Variants in ZBTB16 observed in about 807,000 individuals in gnomAD.
ZBTB16 encodes the protein zinc finger and BTB domain containing 16.
Under a neutral mutation model 56.8 loss-of-function variants are expected in ZBTB16, and 8 were observed. The ratio of observed to expected loss-of-function variants is 0.14; its 90% CI spans 0.08 to 0.25. The LOEUF (loss-of-function observed/expected upper bound fraction) is 0.25. Ranked by LOEUF, ZBTB16 falls within the 10% of genes least tolerant of loss-of-function variation. The pLI is 1.00. For synonymous variants in ZBTB16, 363 were observed against 368.5 expected (o/e 0.98, Z 0.17); for missense variants, 625 against 903.0 (o/e 0.69, Z 3.95).
chr11:114,196,173 C>T (rs952082557), intron 4 of ZBTB16, among the ~76,000 whole-genome samples: 8 of 152,144 alleles, frequency 5.3e-5, no homozygotes, highest in South Asian at 2.1e-4. Context: ...AAACTGGAAT[C>T]GAGACTAAGC....
intron 2 of ZBTB16, among the ~76,000 whole-genome samples, chr11:114,134,857 G>C (rs1325173355): frequency 6.6e-6 from 1 of 152,196 alleles, no homozygotes; most frequent in African/African-American, 2.4e-5. Flanking sequence ...TTGTATGATA[G>C]ACACTGCTGT....
At chr11:114,135,025 A>G (rs1941762287) in intron 2 of ZBTB16, among the ~76,000 whole-genome samples, 1 of 152,248 alleles carries the variant, frequency 6.6e-6, no homozygotes, top group African/African-American at 2.4e-5. Context: ...AGATGCAAGA[A>G]TGCATATAGG....
intron 2 of ZBTB16, among the ~76,000 whole-genome samples, chr11:114,149,838 T>C (rs2134934761): frequency 6.6e-6 from 1 of 152,288 alleles, no homozygotes; most frequent in African/African-American, 2.4e-5. Flanking sequence ...CTTCTTTTTC[T>C]CCCCTGGGAT....
At chr11:114,202,722 T>C (rs1943762251) in intron 4 of ZBTB16, among the ~76,000 whole-genome samples, 1 of 152,160 alleles carries the variant, frequency 6.6e-6, no homozygotes, top group African/African-American at 2.4e-5. Flanking sequence ...TGGTGAGGGC[T>C]GTGGGTTAAG....
intron 2 of ZBTB16, among the ~76,000 whole-genome samples, chr11:114,142,247 A>T (rs1010451699): frequency 1.3e-5 from 2 of 152,288 alleles, no homozygotes; most frequent in South Asian, 4.1e-4. Flanking sequence ...GCTGCAGCCG[A>T]CAACCTTCCT....
intron 3 of ZBTB16, among the ~76,000 whole-genome samples, chr11:114,164,070 C>T (rs914034267): frequency 4.6e-5 from 7 of 152,082 alleles, no homozygotes; most frequent in African/African-American, 9.7e-5. Flanking sequence ...TGATGGAGGA[C>T]GATTGCGGCA....
chr11:114,121,558 T>TAAG (rs1418708601), intron 2 of ZBTB16, among the ~76,000 whole-genome samples: 1 of 152,220 alleles, frequency 6.6e-6, no homozygotes, highest in African/African-American at 2.4e-5. Flanking sequence ...GTTGAATGCT[T>TAAG]ACATCCATTA....
In ZBTB16 at chr11:114,250,739, GC is replaced by G. The variant is rs1944903745; in HGVS notation, c.*188del. 1 of 663,898 alleles carries G rather than the reference GC, an allele frequency of 1.5e-6. No individual in the cohort carries two copies. The highest frequency in any genetic ancestry group is 1.8e-5 in the African/African-American group (1 of 54,942). The allele number at this position is 663,898 out of a possible 1,614,324, so 41.1% of individuals were successfully genotyped here. A position where few individuals can be genotyped will look rare whatever the true frequency, so the allele number is the denominator to read the frequency against. On this transcript the variant is annotated 3_prime_UTR_variant, in exon 7 of 7. Transcript: ENST00000335953. The surrounding 1 kb of genome is among the most constrained non-coding windows in gnomAD (Gnocchi z 6.0). The stretch of plus-strand genomic sequence containing the variant: ...CAGATGACCTGGATGCCAAGCCACT[GC>G]CCCTCCTCTGGGGGCCTCCACCCTC...
chr11:114,181,511 ATGTTT>A (rs1436435306), intron 3 of ZBTB16, among the ~76,000 whole-genome samples: 3 of 152,216 alleles, frequency 2.0e-5, no homozygotes, highest in Non-Finnish European at 4.4e-5. Context: ...TATCCACAGA[ATGTTT>A]TGTGATTGAC....
chr11:114,102,566 G>T (rs1050081793), intron 2 of ZBTB16, among the ~76,000 whole-genome samples: 1 of 118,594 alleles, frequency 8.4e-6, no homozygotes, highest in African/African-American at 3.3e-5. Flanking sequence ...GGCTGCCCCT[G>T]CCCTTCCGCA....
intron 3 of ZBTB16, among the ~76,000 whole-genome samples, chr11:114,185,638 T>C (rs1943343905): frequency 6.6e-6 from 1 of 152,196 alleles, no homozygotes; most frequent in African/African-American, 2.4e-5. Flanking sequence ...CCTTGCGTCT[T>C]ACAGTGTTCT....
intron 2 of ZBTB16, among the ~76,000 whole-genome samples, chr11:114,105,730 C>T: frequency 6.6e-6 from 1 of 152,162 alleles, no homozygotes; most frequent in South Asian, 2.1e-4. Context: ...CTCTTCTCCT[C>T]CTCTTATCCT....
At chr11:114,093,591 A>C (rs1940274460) in intron 2 of ZBTB16, among the ~76,000 whole-genome samples, 1 of 152,162 alleles carries the variant, frequency 6.6e-6, no homozygotes, top group South Asian at 2.1e-4. Flanking sequence ...TGAAAGGTAG[A>C]ACCAAGACTA....
intron 2 of ZBTB16, among the ~76,000 whole-genome samples, chr11:114,154,731 G>GGTGT (rs143118154): frequency 1.3e-5 from 2 of 151,524 alleles, no homozygotes; most frequent in African/African-American, 4.8e-5. Flanking sequence ...CATAGATAAG[G>GGTGT]GTGTGTGTGT....
chr11:114,174,359 A>G (rs1315808021), intron 3 of ZBTB16, among the ~76,000 whole-genome samples: 1 of 151,296 alleles, frequency 6.6e-6, no homozygotes, highest in African/African-American at 2.4e-5. Flanking sequence ...GACCTTGGGC[A>G]AGAGAACTAA....
intron 4 of ZBTB16, among the ~76,000 whole-genome samples, chr11:114,215,345 T>C (rs1399213917): frequency 6.6e-6 from 1 of 152,180 alleles, no homozygotes; most frequent in Non-Finnish European, 1.5e-5. Context: ...CCTCTTCTCA[T>C]TGAGGATCAG....
rs565952693 is a variant in ZBTB16, at chr11:114,143,895, G to A, written c.1269-12442G>A. ...AAAGTGTGGATGTTTCCAGAGAGCC[G>A]CTGCTTGGCCTCTGTGCTCGTTGGG... is the stretch of plus-strand genomic sequence containing the variant. On this transcript the variant is annotated intron_variant, in intron 2 of 6. Coordinates refer to ENST00000335953, the MANE Select transcript of ZBTB16 (RefSeq NM_006006.6). The surrounding 1 kb of genome is among the most constrained non-coding windows in gnomAD (Gnocchi z 6.4). 5.9e-5 allele frequency among the ~76,000 whole-genome samples: 9 copies of A among 152,216 alleles called. No homozygotes were observed. The highest frequency in any genetic ancestry group is 4.1e-4 in the South Asian group (2 of 4,824).
chr11:114,088,309 T>C (rs774095723), intron 2 of ZBTB16, among the ~76,000 whole-genome samples: 1 of 151,960 alleles, frequency 6.6e-6, no homozygotes, highest in Non-Finnish European at 1.5e-5. Flanking sequence ...GCCTGGCTAA[T>C]TTTTGTATTT....
At chr11:114,084,729 C>G (rs1939899787) in intron 2 of ZBTB16, among the ~76,000 whole-genome samples, 1 of 152,204 alleles carries the variant, frequency 6.6e-6, no homozygotes, top group African/African-American at 2.4e-5. Flanking sequence ...AGTTAGAAAT[C>G]CTGGGAGGAG....
Sources: gnomAD v4.1 joint callset for allele counts (sites outside exome capture counted in the v4.1 genomes callset) on GRCh38, gnomAD v4.1.1 for gene constraint, Gnocchi (gnomAD v3.1) non-coding constraint, MANE v1.5 for transcripts, NCBI Gene and HGNC (gene_info 2026-07-23, HGNC 2026-07-21) for gene names.